GPD2: variants seen among roughly 807,000 people sequenced by gnomAD.
GPD2 encodes the protein glycerol-3-phosphate dehydrogenase, mitochondrial.
Under a neutral mutation model 82.4 loss-of-function variants are expected in GPD2, and 54 were observed. The observed-to-expected ratio is 0.66, with a 90% confidence interval of 0.53 to 0.82. The LOEUF (loss-of-function observed/expected upper bound fraction) is 0.82. GPD2 is among the 40% of genes least tolerant of loss of function. The pLI is 0.00. For missense variants in GPD2, 748 were observed against 896.2 expected (o/e 0.83, Z 2.11); for synonymous variants, 288 against 306.1 (o/e 0.94, Z 0.62).
At chr2:156,504,112 TA>T (rs1488225131) in intron 3 of GPD2, among the ~76,000 whole-genome samples, 2 of 86,546 alleles carry the variant, frequency 2.3e-5, no homozygotes, top group Non-Finnish European at 5.2e-5. Flanking sequence ...TTTTCTAATA[TA>T]AACATAGAAA....
At chr2:156,521,399 A>G (rs1342659567) in intron 6 of GPD2, among the ~76,000 whole-genome samples, 1 of 152,228 alleles carries the variant, frequency 6.6e-6, no homozygotes, top group Admixed American at 6.5e-5. Flanking sequence ...TGCATTACAC[A>G]TCTATAAATT....
intron 8 of GPD2, among the ~76,000 whole-genome samples, chr2:156,552,443 G>A (rs546295535): frequency 2.0e-5 from 3 of 152,246 alleles, no homozygotes; most frequent in South Asian, 2.1e-4. Context: ...TTTTGTGTTC[G>A]ATTAAAAATA....
intron 1 of GPD2, among the ~76,000 whole-genome samples, chr2:156,437,206 G>A (rs1573865626): frequency 6.6e-6 from 1 of 152,352 alleles, no homozygotes; most frequent in African/African-American, 2.4e-5. Flanking sequence ...ATAGGAGGCA[G>A]CTATAGAAAT....
intron 12 of GPD2, among the ~76,000 whole-genome samples, chr2:156,570,749 G>A (rs1687583858): frequency 6.6e-6 from 1 of 152,146 alleles, no homozygotes; most frequent in Admixed American, 6.6e-5. Context: ...AGACTAAAGA[G>A]GTGAGATCAT....
intron 13 of GPD2, among the ~76,000 whole-genome samples, chr2:156,573,024 A>G (rs916554970): frequency 6.6e-6 from 1 of 152,176 alleles, no homozygotes; most frequent in Non-Finnish European, 1.5e-5. Flanking sequence ...TTGGGCATCT[A>G]TGATACATGC....
At chr2:156,561,679 G>A (rs148820352) in intron 9 of GPD2, among the ~76,000 whole-genome samples, 245 of 152,256 alleles carry the variant, frequency 1.6e-3, no homozygotes, top group African/African-American at 5.1e-3. Context: ...AGATCCTAGA[G>A]CAATAGTTTT....
At position 156,520,560 on chromosome 2, in the gene GPD2, GTTATTTATTTAT is replaced by G. The variant is rs148048031; in HGVS notation, c.661+7095_661+7106del. Among the ~76,000 whole-genome samples, 506 of 144,000 alleles carry G rather than the reference GTTATTTATTTAT, an allele frequency of 3.5e-3. 1 individual carries two copies. The highest frequency in any genetic ancestry group is 8.6e-3 in the African/African-American group (334 of 38,968). The allele number at this position is 144,000 out of a possible 152,430, so 94.5% of individuals were successfully genotyped here. A position where few individuals can be genotyped will look rare whatever the true frequency, so the allele number is the denominator to read the frequency against. ...ATTTATTTTTAAAATTATTTTTATT[GTTATTTATTTAT>G]TTATTTATTTATTTATTTATTTATT... On this transcript the variant is annotated intron_variant, in intron 6 of 16. Coordinates refer to ENST00000438166, the MANE Select transcript of GPD2 (RefSeq NM_000408.5).
At chr2:156,527,253 A>G (rs1685642931) in intron 6 of GPD2, among the ~76,000 whole-genome samples, 1 of 152,116 alleles carries the variant, frequency 6.6e-6, no homozygotes, top group African/African-American at 2.4e-5. Flanking sequence ...TGGAAATGTA[A>G]TAAAAAAAAA....
chr2:156,579,421 T>C (rs1354780818), intron 15 of GPD2, among the ~76,000 whole-genome samples: 1 of 151,342 alleles, frequency 6.6e-6, no homozygotes, highest in Non-Finnish European at 1.5e-5. Flanking sequence ...CTCCTCCTCC[T>C]GGGTTCAAGC....
At chr2:156,531,907 C>T (rs993370882) in intron 6 of GPD2, among the ~76,000 whole-genome samples, 4 of 152,150 alleles carry the variant, frequency 2.6e-5, no homozygotes, top group African/African-American at 7.2e-5. Context: ...CAGGCCCCTG[C>T]CTACTCCACC....
intron 6 of GPD2, among the ~76,000 whole-genome samples, chr2:156,515,682 G>A (rs566971223): frequency 2.4e-4 from 37 of 152,240 alleles, no homozygotes; most frequent in Admixed American, 2.0e-3. Flanking sequence ...AATTTAAAAA[G>A]TATTTAAAAT....
At chr2:156,532,137 A>G (rs1685886402) in intron 6 of GPD2, among the ~76,000 whole-genome samples, 1 of 152,122 alleles carries the variant, frequency 6.6e-6, no homozygotes, top group Non-Finnish European at 1.5e-5. Context: ...AGCTAAGACT[A>G]TCGTTGTGCA....
At chr2:156,484,820 A>G (rs1485492233) in intron 2 of GPD2, among the ~76,000 whole-genome samples, 1 of 152,228 alleles carries the variant, frequency 6.6e-6, no homozygotes, top group East Asian at 1.9e-4. Context: ...AGCCTGGGCA[A>G]CACAGTGAGA....
intron 1 of GPD2, among the ~76,000 whole-genome samples, chr2:156,455,745 T>A (rs1231626758): frequency 8.3e-5 from 2 of 24,222 alleles, no homozygotes; most frequent in Non-Finnish European, 1.1e-3. Flanking sequence ...CTTGTCCTTA[T>A]TTTTATCATT....
chr2:156,585,531 G>A lies in GPD2; in HGVS notation c.*2613G>A, dbSNP rs1214418145. 6.6e-6 allele frequency: 1 copy of A among 152,322 alleles called. No homozygotes were observed. Among genetic ancestry groups the A allele is most frequent in the African/African-American group, 2.4e-5 (1 of 41,354 alleles). The allele number at this position is 152,322 out of a possible 1,614,324, so 9.4% of individuals were successfully genotyped here. On this transcript the variant is annotated 3_prime_UTR_variant, in exon 17 of 17. Coordinates refer to ENST00000438166, the MANE Select transcript of GPD2 (RefSeq NM_000408.5). ...TTGTCTGCCTCATATCCATCATGCTGTTTGCAATATTCTTGCTTTCAATCA... is the reference window on the plus strand; with the variant it reads ...TTGTCTGCCTCATATCCATCATGCTATTTGCAATATTCTTGCTTTCAATCA...
At chr2:156,492,794 G>A (rs1336257886) in intron 2 of GPD2, among the ~76,000 whole-genome samples, 1 of 152,164 alleles carries the variant, frequency 6.6e-6, no homozygotes, top group Non-Finnish European at 1.5e-5. Flanking sequence ...GGACTTAAGA[G>A]ACGGGGAGCT....
Position 156,569,459 on chromosome 2 carries a change from G to A in GPD2, c.1397G>A (p.Gly466Glu). 1 of 1,612,044 alleles carries A rather than the reference G, an allele frequency of 6.2e-7. No homozygotes were observed. The highest frequency in any genetic ancestry group is 2.2e-5 in the East Asian group (1 of 44,850). ...NLKAGPSRTV[G>E]LFLQGGKDWS... ...AAAGCAGGACCAAGTAGAACAGTTGGGCTTTTCCTTCAAGGGGGTAAAGAT... is the reference window on the plus strand; with the variant it reads ...AAAGCAGGACCAAGTAGAACAGTTGAGCTTTTCCTTCAAGGGGGTAAAGAT... Residue 466 changes from glycine (G) to glutamate (E), a missense_variant, in exon 11 of 17, where the codon GGG becomes GAG. This residue lies in a region of GPD2 where 692 missense variants were observed against 809.7 expected (regional missense o/e 0.85). Coordinates refer to ENST00000438166, the MANE Select transcript of GPD2 (RefSeq NM_000408.5).
chr2:156,539,282 A>T (rs1437939963), intron 6 of GPD2, among the ~76,000 whole-genome samples: 2 of 152,160 alleles, frequency 1.3e-5, no homozygotes, highest in Admixed American at 1.3e-4. Flanking sequence ...CTGTTGTTAG[A>T]CCTACTTAAT....
chr2:156,583,050 A>G lies in GPD2; in HGVS notation c.*132A>G. 1.0e-6 allele frequency: 1 copy of G among 959,036 alleles called. No homozygotes were observed. The highest frequency in any genetic ancestry group is 1.6e-5 in the African/African-American group (1 of 62,160). The allele number at this position is 959,036 out of a possible 1,614,324, so 59.4% of individuals were successfully genotyped here. On this transcript the variant is annotated 3_prime_UTR_variant, in exon 17 of 17. Transcript: ENST00000438166. ...TTTTTTAACACTAGAAAACATTCCA[A>G]AACTTTAAGGTGTTGGTGTATTTGC...
Sources: gnomAD v4.1 joint callset for allele counts (sites outside exome capture counted in the v4.1 genomes callset) on GRCh38, gnomAD v4.1.1 for gene constraint, gnomAD v4.1.1 regional missense constraint, MANE v1.5 for transcripts, NCBI Gene and HGNC (gene_info 2026-07-23, HGNC 2026-07-21) for gene names.